NTM: variants seen among roughly 807,000 people sequenced by gnomAD.
NTM encodes the protein IgLON family member 2.
Under a neutral mutation model 42.1 loss-of-function variants are expected in NTM, and 13 were observed. The ratio of observed to expected loss-of-function variants is 0.31; its 90% CI spans 0.20 to 0.49. The LOEUF (loss-of-function observed/expected upper bound fraction) is 0.49. Among genes scored for constraint, NTM ranks in the 20% least tolerant of loss-of-function variants. NTM has a pLI of 0.99. For missense variants in NTM, 373 were observed against 452.8 expected (o/e 0.82, Z 1.60); for synonymous variants, 187 against 179.2 (o/e 1.04, Z -0.35).
chr11:131,968,296 C>T (rs560067866), intron 2 of NTM, among the ~76,000 whole-genome samples: 6 of 152,146 alleles, frequency 3.9e-5, no homozygotes, highest in Non-Finnish European at 8.8e-5. Context: ...TGCTTCTCCA[C>T]GGTGTTTGCT....
chr11:131,893,991 G>A (rs989788314), intron 1 of NTM, among the ~76,000 whole-genome samples: 4 of 152,238 alleles, frequency 2.6e-5, no homozygotes, highest in Admixed American at 6.5e-5. Context: ...GCAAAAGAGA[G>A]AGAAAGGTGA....
chr11:132,286,717 G>A (rs2094250557), intron 4 of NTM, among the ~76,000 whole-genome samples: 1 of 152,190 alleles, frequency 6.6e-6, no homozygotes, highest in African/African-American at 2.4e-5. Flanking sequence ...CCTGTGGGGA[G>A]GGGCCAGGAA....
rs368577207 is a variant in NTM at position 132,162,487 on chromosome 11, TGGG to T, written c.400+15977_400+15979del. On this transcript the variant is annotated intron_variant, in intron 3 of 8. Coordinates refer to ENST00000683400, the MANE Select transcript of NTM (RefSeq NM_001352005.2). ...TGTATGTTTGTGTGGGAAGTGTGGA[TGGG>T]GGGAGTGTGGATGTGTGAGTGTGTG... 3.7e-3 allele frequency among the ~76,000 whole-genome samples: 523 copies of T among 139,994 alleles called. 1 individual carries two copies. Among genetic ancestry groups the T allele is most frequent in the African/African-American group, 0.013 (494 of 37,650 alleles). The allele number at this position is 139,994 out of a possible 152,430, so 91.8% of individuals were successfully genotyped here.
At chr11:131,595,013 G>A (rs1481147083) in intron 1 of NTM, among the ~76,000 whole-genome samples, 2 of 152,124 alleles carry the variant, frequency 1.3e-5, no homozygotes, top group Non-Finnish European at 2.9e-5. Flanking sequence ...TATTTTGTTG[G>A]CTTAAGTCAT....
At chr11:132,239,781 A>G (rs2089832893) in intron 4 of NTM, among the ~76,000 whole-genome samples, 1 of 152,234 alleles carries the variant, frequency 6.6e-6, no homozygotes, top group African/African-American at 2.4e-5. Context: ...CATCCTCTAT[A>G]AGAGTAGCAT....
intron 1 of NTM, among the ~76,000 whole-genome samples, chr11:131,681,020 CCT>C (rs2072619225): frequency 4.8e-5 from 1 of 20,670 alleles, no homozygotes; most frequent in African/African-American, 1.7e-4. Flanking sequence ...TGTATGTCTC[CCT>C]GTGTGTGTGA....
chr11:132,217,492 T>C (rs1015317926), intron 4 of NTM, among the ~76,000 whole-genome samples: 24 of 151,738 alleles, frequency 1.6e-4, no homozygotes, highest in African/African-American at 5.8e-4. Context: ...TGAATTGAGG[T>C]GGGTTAGAGA....
chr11:131,631,903 G>A (rs1240413659), intron 1 of NTM, among the ~76,000 whole-genome samples: 1 of 152,098 alleles, frequency 6.6e-6, no homozygotes, highest in African/African-American at 2.4e-5. Flanking sequence ...AGAAGTCTGA[G>A]ATTATCTTTT....
chr11:131,412,229 G>A (rs547734419), intron 1 of NTM, among the ~76,000 whole-genome samples: 10 of 152,156 alleles, frequency 6.6e-5, no homozygotes, highest in Non-Finnish European at 1.5e-4. Context: ...GGGCTCATGG[G>A]CCTGTAAGTT....
intron 1 of NTM, among the ~76,000 whole-genome samples, chr11:131,460,062 A>C (rs994287933): frequency 2.0e-5 from 3 of 152,192 alleles, no homozygotes; most frequent in African/African-American, 7.2e-5. Flanking sequence ...AGTGTGTGTA[A>C]TTTCCCGAAA....
At chr11:132,106,833 A>G (rs117489631) in intron 2 of NTM, among the ~76,000 whole-genome samples, 4,149 of 152,276 alleles carry the variant, frequency 0.027, 74 homozygotes, top group Middle Eastern at 0.11. Flanking sequence ...TGAAAAGCCC[A>G]GAGGTGTACT....
At chr11:131,427,971 A>G (rs888339472) in intron 1 of NTM, among the ~76,000 whole-genome samples, 19 of 152,138 alleles carry the variant, frequency 1.2e-4, no homozygotes, top group Non-Finnish European at 2.9e-5. Flanking sequence ...TCGACATACC[A>G]TCTGGGTGAT....
At chr11:131,969,218 C>A (rs2063223352) in intron 2 of NTM, among the ~76,000 whole-genome samples, 1 of 152,180 alleles carries the variant, frequency 6.6e-6, no homozygotes, top group Non-Finnish European at 1.5e-5. Context: ...AGCTTACTTT[C>A]CTGGGTTCAT....
intron 1 of NTM, among the ~76,000 whole-genome samples, chr11:131,527,503 G>A (rs993909221): frequency 5.3e-5 from 8 of 152,148 alleles, no homozygotes; most frequent in Non-Finnish European, 1.0e-4. Context: ...ATTACACTGA[G>A]ATTTGCTCTA....
chr11:132,146,271 C>G lies in NTM; in HGVS notation c.168-11C>G. On this transcript the variant is annotated splice_polypyrimidine_tract_variant and intron_variant, in intron 2 of 8. Coordinates refer to ENST00000683400, the MANE Select transcript of NTM (RefSeq NM_001352005.2). This position sits in a 1 kb window ranked among gnomAD's most constrained non-coding sequence, Gnocchi z 4.5. ...CAGTCCCTTGACGTACCTGTCTGGTCTTCCCTTCAGGTGCACTATTGACAA... is the reference window on the plus strand; with the variant it reads ...CAGTCCCTTGACGTACCTGTCTGGTGTTCCCTTCAGGTGCACTATTGACAA... 6.2e-7 allele frequency: 1 copy of G among 1,614,028 alleles called. No individual in the cohort carries two copies. Among genetic ancestry groups the G allele is most frequent in the South Asian group, 1.1e-5 (1 of 91,066 alleles).
chr11:131,531,339 G>C (rs533690011), intron 1 of NTM, among the ~76,000 whole-genome samples: 22 of 152,086 alleles, frequency 1.4e-4, no homozygotes, highest in Non-Finnish European at 2.6e-4. Flanking sequence ...GTAAAGATAG[G>C]GTTTCACCTT....
At chr11:131,513,544 T>C (rs2048519407) in intron 1 of NTM, among the ~76,000 whole-genome samples, 2 of 152,242 alleles carry the variant, frequency 1.3e-5, no homozygotes, top group Non-Finnish European at 2.9e-5. Flanking sequence ...GATTAAGGAC[T>C]GAGAGCGGCT....
chr11:131,489,201 C>A (rs1486537671), intron 1 of NTM, among the ~76,000 whole-genome samples: 1 of 152,202 alleles, frequency 6.6e-6, no homozygotes, highest in Non-Finnish European at 1.5e-5. Flanking sequence ...GGCCTCTTTG[C>A]TATGCCCTCA....
At chr11:131,406,970 T>C (rs1006796153) in intron 1 of NTM, among the ~76,000 whole-genome samples, 3 of 152,256 alleles carry the variant, frequency 2.0e-5, no homozygotes, top group Admixed American at 2.0e-4. Context: ...TTAAGTCTCT[T>C]TTCAAGGTGA....
Sources: gnomAD v4.1 joint callset for allele counts (sites outside exome capture counted in the v4.1 genomes callset) on GRCh38, gnomAD v4.1.1 for gene constraint, Gnocchi (gnomAD v3.1) non-coding constraint, MANE v1.5 for transcripts, NCBI Gene and HGNC (gene_info 2026-07-23, HGNC 2026-07-21) for gene names.